POGLUT2: variants seen among roughly 807,000 people sequenced by gnomAD.
POGLUT2 encodes protein O-glucosyltransferase 2.
In POGLUT2, 47 loss-of-function variants were observed where a neutral mutation model predicts 57.6. The ratio of observed to expected loss-of-function variants is 0.82; its 90% CI spans 0.65 to 1.04. POGLUT2 has a LOEUF of 1.04. Ranked by LOEUF, POGLUT2 falls within the 50% of genes least tolerant of loss-of-function variation. The pLI, the probability that POGLUT2 is intolerant of heterozygous loss-of-function variation, is 0.00. For missense variants in POGLUT2, 565 were observed against 614.8 expected, an observed-to-expected ratio of 0.92 and a Z score of 0.86; for synonymous variants, 200 against 218.8, an observed-to-expected ratio of 0.91 and a Z score of 0.76.
intron 2 of POGLUT2, 79 bp from the exon 3 acceptor site, chr13:102,793,885 T>C: frequency 1.6e-6 from 2 of 1,270,586 alleles, no homozygotes; most frequent in Non-Finnish European, 2.3e-6. Context: ...ATCTATAATG[T>C]GGCTTCATGA....
intron 2 of POGLUT2, among the ~76,000 whole-genome samples, chr13:102,795,365 C>T (rs999784883): frequency 6.6e-6 from 1 of 151,560 alleles, no homozygotes; most frequent in Non-Finnish European, 1.5e-5. Flanking sequence ...GGGTTCGGGA[C>T]CAGTCTGAGC....
At chr13:102,790,685 A>G (rs1878129703) in intron 6 of POGLUT2, among the ~76,000 whole-genome samples, 1 of 152,108 alleles carries the variant, frequency 6.6e-6, no homozygotes, top group South Asian at 2.1e-4. Flanking sequence ...CCAGGCTCCA[A>G]ACTCCCTTGA....
Position 102,798,539 on chromosome 13 carries a change from G to C in POGLUT2, c.132C>G (p.Val44=). The change falls in exon 1 of 10, where the codon GTC becomes GTG. Residue 44 remains valine, a synonymous_variant. Transcript: ENST00000376004. The part of the protein sequence containing the change: ...IWGPGLKADV[V]LPARYFYIQA... ...GAATATAGAAATAGCGGGCGGGAAG[G>C]ACGACGTCTGCTTTTAGCCCGGGTC... The C allele has an allele frequency of 6.2e-7, 1 of 1,612,764 alleles. No homozygotes were observed. The highest frequency in any genetic ancestry group is 8.5e-7 in the Non-Finnish European group (1 of 1,179,380).
intron 7 of POGLUT2, among the ~76,000 whole-genome samples, chr13:102,788,555 C>T (rs1328238921): frequency 4.6e-5 from 7 of 151,976 alleles, no homozygotes; most frequent in South Asian, 2.1e-4. Flanking sequence ...GGTGTGGTCT[C>T]GGCTCACTGC....
At chr13:102,786,900 A>G (rs1252850013) in intron 8 of POGLUT2, among the ~76,000 whole-genome samples, 1 of 152,204 alleles carries the variant, frequency 6.6e-6, no homozygotes, top group Non-Finnish European at 1.5e-5. Flanking sequence ...GAGCCAGTAC[A>G]GGCCAGAAAT....
intron 7 of POGLUT2, among the ~76,000 whole-genome samples, chr13:102,788,407 G>C (rs1403063639): frequency 6.6e-6 from 1 of 152,230 alleles, no homozygotes; most frequent in African/African-American, 2.4e-5. Flanking sequence ...CGGAGGCAAT[G>C]CTTGTGGCTC....
At chr13:102,792,273 C>T (rs925514281) in intron 4 of POGLUT2, 1 of 203,742 alleles carries the variant, frequency 4.9e-6, no homozygotes, top group Admixed American at 6.5e-5. Context: ...AATAAATATA[C>T]ATTTGGTAAA....
rs1241391167 is a variant in POGLUT2 at position 102,793,769 on chromosome 13, T to C, written c.426A>G (p.Gln142=). The part of the protein sequence containing the change: ...VYHENCDCPL[Q]DSAAWLREMN... ...TCTCCCGTAGCCAGGCTGCACTATC[T>C]TGCAGAGGACAGTCACAGTTCTCAT... The change falls in exon 3 of 10, where the codon CAA becomes CAG. Residue 142 remains glutamine (Q), a synonymous_variant. Coordinates refer to ENST00000376004, the MANE Select transcript of POGLUT2 (RefSeq NM_024089.3). The C allele has an allele frequency of 6.2e-7, 1 of 1,614,202 alleles. No homozygotes were observed. Among genetic ancestry groups the C allele is most frequent in the Non-Finnish European group, 8.5e-7 (1 of 1,180,022 alleles).
At chr13:102,788,938 G>T in intron 7 of POGLUT2, 74 bp downstream of exon 7, 1 of 1,270,838 alleles carries the variant, frequency 7.9e-7, no homozygotes, top group Non-Finnish European at 1.1e-6. Flanking sequence ...TGCTCTCCAG[G>T]TACAATACAT....
At chr13:102,797,387 T>TGCCAGAG (rs1878450425) in intron 1 of POGLUT2, among the ~76,000 whole-genome samples, 2 of 152,216 alleles carry the variant, frequency 1.3e-5, no homozygotes, top group African/African-American at 4.8e-5. Context: ...ATAATGATCT[T>TGCCAGAG]ATTTTGAAAA....
chr13:102,790,549 T>G (rs1037252935), intron 6 of POGLUT2, among the ~76,000 whole-genome samples: 1 of 152,226 alleles, frequency 6.6e-6, no homozygotes, highest in Non-Finnish European at 1.5e-5. Context: ...CCTTATTCTG[T>G]TGTGATAACA....
At chr13:102,797,076 T>G in intron 1 of POGLUT2, 67 bp from the exon 2 acceptor site, 12 of 1,092,432 alleles carry the variant, frequency 1.1e-5, no homozygotes, top group Non-Finnish European at 1.6e-5. Flanking sequence ...GGTTATGCTC[T>G]TCAGTCTGGA....
At position 102,791,310 on chromosome 13, in the gene POGLUT2, T is replaced by C. The variant is rs1221584032; in HGVS notation, c.793A>G (p.Ile265Val). Residue 265 changes from isoleucine to valine, a missense_variant, in exon 5 of 10, where the codon ATC becomes GTC. Physicochemically the swap from Ile to Val is conservative, Grantham distance 29. Coordinates refer to ENST00000376004, the MANE Select transcript of POGLUT2 (RefSeq NM_024089.3). ...GTCAAATCGTACGTAGGCATCACGA[T>C]ATCCTTGGAATCTGTGGAGCCACAC... The part of the protein sequence containing the change: ...SWCGSTDSKD[I>V]VMPTYDLTDS... 1 of 1,610,284 alleles carries C rather than the reference T, an allele frequency of 6.2e-7. No individual in the cohort carries two copies. Among genetic ancestry groups the C allele is most frequent in the Non-Finnish European group, 8.5e-7 (1 of 1,179,186 alleles).
intron 7 of POGLUT2, among the ~76,000 whole-genome samples, 190 bp downstream of exon 7, chr13:102,788,822 G>T (rs1246996383): frequency 6.6e-6 from 1 of 152,152 alleles, no homozygotes; most frequent in Non-Finnish European, 1.5e-5. Flanking sequence ...GAGAGTTAAT[G>T]TAAGATGCAG....
At position 102,797,425 on chromosome 13, in the gene POGLUT2, C is replaced by T. The variant is rs567223845; in HGVS notation, c.183-416G>A. Among the ~76,000 whole-genome samples, 11 of 152,258 alleles carry T rather than the reference C, an allele frequency of 7.2e-5. No homozygotes were observed. The South Asian group carries it at 2.3e-3, about 32-fold the overall frequency. On this transcript the variant is annotated intron_variant, in intron 1 of 9. Coordinates refer to ENST00000376004, the MANE Select transcript of POGLUT2 (RefSeq NM_024089.3). ...CTCTGCCAATGAATCTTTACAATAT[C>T]AGTATTATAAATCACGCTCAGGCCT...
chr13:102,790,753 C>T, intron 6 of POGLUT2, 148 bp downstream of exon 6: 1 of 628,924 alleles, frequency 1.6e-6, no homozygotes, highest in Non-Finnish European at 2.8e-6. Context: ...CAAAACAGTC[C>T]CCAGCACCCC....
Position 102,790,884 on chromosome 13 carries a change from T to C in POGLUT2, c.1083+17A>G. ...CATTAGAAAAACAAAAAAGATTAGCTACTGATTAAGTCATACCTTGAAGAA... is the reference window on the plus strand; with the variant it reads ...CATTAGAAAAACAAAAAAGATTAGCCACTGATTAAGTCATACCTTGAAGAA... On this transcript the variant is annotated intron_variant, in intron 6 of 9. Transcript: ENST00000376004. 6.8e-7 allele frequency: 1 copy of C among 1,462,628 alleles called. No homozygotes were observed. The highest frequency in any genetic ancestry group is 9.6e-7 in the Non-Finnish European group (1 of 1,042,864). 90.6% of individuals were successfully genotyped at this position (1,462,628 alleles called of 1,614,324 possible).
chr13:102,785,922 T>C (rs907516422), intron 9 of POGLUT2, among the ~76,000 whole-genome samples: 1 of 152,240 alleles, frequency 6.6e-6, no homozygotes, highest in Non-Finnish European at 1.5e-5. Flanking sequence ...CATCAGATGA[T>C]ACACATGAAA....
chr13:102,798,637 G>A lies in POGLUT2; in HGVS notation c.34C>T (p.Leu12=), dbSNP rs372783493. The A allele has an allele frequency of 4.5e-5, 72 of 1,608,152 alleles. No individual in the cohort carries two copies. The highest frequency in any genetic ancestry group is 6.0e-5 in the Non-Finnish European group (71 of 1,177,952). ...TCGGCGAGTGCTGGAACTGTCGCCAGAAAGAAGCAATAAAGTAGCAAAGTG... is the reference window on the plus strand; with the variant it reads ...TCGGCGAGTGCTGGAACTGTCGCCAAAAAGAAGCAATAAAGTAGCAAAGTG... The part of the protein sequence containing the change: ...FGTLLLYCFF[L]ATVPALAETG... The change falls in exon 1 of 10, where the codon CTG becomes TTG. Residue 12 remains leucine, a synonymous_variant. Coordinates refer to ENST00000376004, the MANE Select transcript of POGLUT2 (RefSeq NM_024089.3).
Sources: allele counts gnomAD v4.1 joint callset (sites outside exome capture counted in the v4.1 genomes callset), GRCh38; gene constraint gnomAD v4.1.1; transcripts MANE v1.5; gene names NCBI Gene and HGNC (gene_info 2026-07-23, HGNC 2026-07-21).